The following NID2 variants were observed in gnomAD, a reference collection of about 807,000 sequenced individuals.
The protein encoded by NID2 is nidogen 2, also known as nidogen-2.
Under a neutral mutation model 145.4 loss-of-function variants are expected in NID2, and 83 were observed. That is an observed-to-expected ratio of 0.57 (90% CI 0.48 to 0.69). The LOEUF (loss-of-function observed/expected upper bound fraction) is 0.69. NID2 is among the 30% of genes least tolerant of loss of function. The probability of loss-of-function intolerance (pLI) is 0.00; values close to 1 mark genes in which losing one functional copy is unlikely to be tolerated. For missense variants in NID2, 1,807 were observed against 1,765.7 expected (o/e 1.02, Z -0.42); for synonymous variants, 739 against 701.3 (o/e 1.05, Z -0.85).
intron 9 of NID2, among the ~76,000 whole-genome samples, chr14:52,033,133 A>G (rs1454973927): frequency 6.6e-6 from 1 of 152,188 alleles, no homozygotes; most frequent in Admixed American, 6.5e-5. Context: ...TTCTCCTATT[A>G]TAGTAAGTAA....
intron 14 of NID2, among the ~76,000 whole-genome samples, chr14:52,017,545 C>A (rs1891256626): frequency 6.6e-6 from 1 of 151,702 alleles, no homozygotes; most frequent in African/African-American, 2.4e-5. Flanking sequence ...CTTGGTTCCC[C>A]CTTTAAAATC....
chr14:52,019,009 T>G, intron 14 of NID2, 52 bp downstream of exon 14: 1 of 1,422,216 alleles, frequency 7.0e-7, no homozygotes, highest in East Asian at 2.4e-5. Context: ...GGAATTATGA[T>G]CTACCTACCA....
rs1294304705 is a variant in NID2, at chr14:52,011,792, TC to T, written c.3421-110del. 19 of 1,316,562 alleles carry T rather than the reference TC, an allele frequency of 1.4e-5. No homozygotes were observed. The East Asian group carries it at 4.2e-4, about 29-fold the overall frequency. The allele number at this position is 1,316,562 out of a possible 1,614,324, so 81.6% of individuals were successfully genotyped here. On this transcript the variant is annotated intron_variant, in intron 16 of 21. Transcript: ENST00000216286. ...TGCAGTGAGCAACACTGCACTGTGA[TC>T]CTGCAGGCAACAGAGCAGAGTAGCT...
intron 14 of NID2, among the ~76,000 whole-genome samples, chr14:52,015,996 A>G (rs1891203453): frequency 6.6e-6 from 1 of 152,092 alleles, no homozygotes; most frequent in Non-Finnish European, 1.5e-5. Flanking sequence ...GATTATCTCA[A>G]AGCTGAATCT....
chr14:52,032,140 G>GTT (rs1218377544), intron 9 of NID2, among the ~76,000 whole-genome samples: 1 of 152,176 alleles, frequency 6.6e-6, no homozygotes, highest in Non-Finnish European at 1.5e-5. Context: ...AGACAGCCTT[G>GTT]TTTTCTGGTA....
chr14:52,034,751 G>A lies in NID2; in HGVS notation c.2257+3996C>T, dbSNP rs559488855. ...ACTTACAGATTCACCTCACTGAGGAGCTAACTCTGGGCTCAACAGTTTCAA... is the reference window on the plus strand; with the variant it reads ...ACTTACAGATTCACCTCACTGAGGAACTAACTCTGGGCTCAACAGTTTCAA... On this transcript the variant is annotated intron_variant, in intron 9 of 21. Transcript: ENST00000216286. Among the ~76,000 whole-genome samples, 6 of 152,322 alleles carry A rather than the reference G, an allele frequency of 3.9e-5. No homozygotes were observed. In the South Asian group the frequency reaches 1.2e-3, roughly 32 times the overall value.
intron 9 of NID2, among the ~76,000 whole-genome samples, chr14:52,033,973 C>A (rs1427974445): frequency 6.6e-6 from 1 of 152,110 alleles, no homozygotes; most frequent in Admixed American, 6.5e-5. Flanking sequence ...CATTTCTATA[C>A]CTCAGTCTCA....
intron 2 of NID2, among the ~76,000 whole-genome samples, chr14:52,064,052 C>G (rs1208012429): frequency 1.3e-5 from 2 of 152,166 alleles, no homozygotes; most frequent in Admixed American, 6.5e-5. Flanking sequence ...AGTCTGAACT[C>G]TCTTGGATGG....
In NID2 at chr14:52,006,051, G is replaced by GATGAGCT. The variant is rs1461919707; in HGVS notation, c.4005-209_4005-203dup. The GATGAGCT allele has an allele frequency of 7.1e-6, 4 of 560,992 alleles. No individual in the cohort carries two copies. The African/African-American group carries it at 7.5e-5, about 11-fold the overall frequency. 34.8% of individuals were successfully genotyped at this position (560,992 alleles called of 1,614,324 possible). A position where few individuals can be genotyped will look rare whatever the true frequency, so the allele number is the denominator to read the frequency against. On this transcript the variant is annotated intron_variant, in intron 20 of 21. Transcript: ENST00000216286. ...CTCTAGCTGCATGTTAGAATCACAT[G>GATGAGCT]ATGAGCTATCAAATCAGAGTTGTAG...
intron 18 of NID2, 116 bp from the exon 19 acceptor site, chr14:52,008,083 C>G: frequency 1.2e-6 from 1 of 805,364 alleles, no homozygotes; most frequent in Non-Finnish European, 1.9e-6. Flanking sequence ...AAGCAATCCC[C>G]TTGAGTTTGG....
intron 11 of NID2, among the ~76,000 whole-genome samples, chr14:52,027,887 C>G (rs1365378765): frequency 3.9e-5 from 6 of 151,956 alleles, no homozygotes; most frequent in African/African-American, 1.5e-4. Context: ...CCATGCCTGG[C>G]TAAAGAGTGC....
intron 6 of NID2, among the ~76,000 whole-genome samples, chr14:52,042,565 T>C (rs1223973723): frequency 6.6e-6 from 1 of 152,200 alleles, no homozygotes; most frequent in African/African-American, 2.4e-5. Context: ...TTGGCTCTAA[T>C]GAGCTGGCAG....
intron 5 of NID2, among the ~76,000 whole-genome samples, chr14:52,049,230 TAGAA>T (rs1181775282): frequency 6.6e-6 from 1 of 151,842 alleles, no homozygotes; most frequent in Admixed American, 6.6e-5. Context: ...ATGTCCTTAA[TAGAA>T]AGAAAAATGG....
At position 52,019,291 on chromosome 14, in the gene NID2, GAGTCTTCC is replaced by G; in HGVS notation, c.2795-5_2797del. On this transcript the variant is annotated splice_acceptor_variant and splice_polypyrimidine_tract_variant and coding_sequence_variant and intron_variant, in exon 14 of 22. Coordinates refer to ENST00000216286, the MANE Select transcript of NID2 (RefSeq NM_007361.4). LOFTEE classifies it high-confidence loss of function. Reference sequence around the variant, plus strand: ...TTCACAGGGTGTCAGGCTTGAGGTGGAGTCTTCCAGGATCAAGGCAGAGGAAGACACAA... The same window carrying G: ...TTCACAGGGTGTCAGGCTTGAGGTGGAGGATCAAGGCAGAGGAAGACACAA... 1 of 1,581,514 alleles carries G rather than the reference GAGTCTTCC, an allele frequency of 6.3e-7. No homozygotes were observed. The highest frequency in any genetic ancestry group is 2.3e-5 in the East Asian group (1 of 44,110).
intron 8 of NID2, among the ~76,000 whole-genome samples, chr14:52,039,753 C>G (rs997339629): frequency 3.3e-5 from 5 of 152,212 alleles, no homozygotes; most frequent in Non-Finnish European, 7.3e-5. Context: ...ACACATCACG[C>G]TTCGCACACA....
At chr14:52,037,206 T>C (rs936823868) in intron 9 of NID2, among the ~76,000 whole-genome samples, 6 of 152,358 alleles carry the variant, frequency 3.9e-5, no homozygotes, top group Admixed American at 3.9e-4. Flanking sequence ...CCCAGCACCA[T>C]AGTTAACAAT....
At position 52,010,865 on chromosome 14, in the gene NID2, G is replaced by A; in HGVS notation, c.3722+11C>T. ...TACAGGTAAGAGAAGAATTAGGGAAGCCCAGCTGACCCTCGGATTGGATCC... is the reference window on the plus strand; with the variant it reads ...TACAGGTAAGAGAAGAATTAGGGAAACCCAGCTGACCCTCGGATTGGATCC... On this transcript the variant is annotated intron_variant, in intron 18 of 21. Transcript: ENST00000216286. 6.2e-7 allele frequency: 1 copy of A among 1,609,770 alleles called. No individual in the cohort carries two copies. Among genetic ancestry groups the A allele is most frequent in the Non-Finnish European group, 8.5e-7 (1 of 1,177,614 alleles).
rs201841167 is a variant in NID2, at chr14:52,038,741, C to T, written c.2257+6G>A. 228 of 1,546,262 alleles carry T rather than the reference C, an allele frequency of 1.5e-4. No homozygotes were observed. Among genetic ancestry groups the T allele is most frequent in the Non-Finnish European group, 6.1e-6 (7 of 1,148,272 alleles). On this transcript the variant is annotated splice_donor_region_variant and intron_variant, in intron 9 of 21. Coordinates refer to ENST00000216286, the MANE Select transcript of NID2 (RefSeq NM_007361.4). ...TTTTACCCAACAACAAAAAAGGAAA[C>T]CTTACCTTTGACCGGGCCAATTTGA... is the stretch of plus-strand genomic sequence containing the variant.
At chr14:52,039,829 A>C (rs1271298045) in intron 8 of NID2, among the ~76,000 whole-genome samples, 6 of 152,258 alleles carry the variant, frequency 3.9e-5, no homozygotes, top group African/African-American at 1.4e-4. Context: ...ACATTCTCAG[A>C]TATTAAGAGG....
Sources: allele counts gnomAD v4.1 joint callset (sites outside exome capture counted in the v4.1 genomes callset), GRCh38; gene constraint gnomAD v4.1.1; transcripts MANE v1.5; gene names NCBI Gene and HGNC (gene_info 2026-07-23, HGNC 2026-07-21).